The following CDC123 variants were observed in gnomAD, a reference collection of about 807,000 sequenced individuals.
The protein encoded by CDC123 is translation initiation factor eIF2 assembly protein.
CDC123 carries 37 observed loss-of-function variants against 54.4 expected under a neutral mutation model. That is an observed-to-expected ratio of 0.68 (90% CI 0.52 to 0.89). The LOEUF (loss-of-function observed/expected upper bound fraction) is 0.89, where lower values mean the gene tolerates loss of function less well. Ranked by LOEUF, CDC123 falls within the 40% of genes least tolerant of loss-of-function variation. CDC123 has a pLI of 0.00. For synonymous variants in CDC123, 144 were observed against 136.8 expected (o/e 1.05, Z -0.37); for missense variants, 361 against 412.1 (o/e 0.88, Z 1.07).
At chr10:12,200,950 T>C (rs1835431309) in intron 2 of CDC123, among the ~76,000 whole-genome samples, 1 of 151,204 alleles carries the variant, frequency 6.6e-6, no homozygotes, top group South Asian at 2.1e-4. Context: ...AAAAAAGTAC[T>C]GTTAAACAAC....
chr10:12,246,110 A>C, intron 10 of CDC123, 39 bp from the exon 11 acceptor site: 5 of 1,602,210 alleles, frequency 3.1e-6, no homozygotes, highest in Non-Finnish European at 4.3e-6. Flanking sequence ...CAGAGTACAG[A>C]AGATGTTTGT....
chr10:12,247,043 C>T (rs11594813), intron 11 of CDC123: 1 of 142,082 alleles, frequency 7.0e-6, no homozygotes, highest in East Asian at 2.2e-4. Flanking sequence ...TCTCTCACCG[C>T]CCACTCCGGA....
chr10:12,201,616 A>G (rs1250466262), intron 2 of CDC123, among the ~76,000 whole-genome samples: 1 of 151,844 alleles, frequency 6.6e-6, no homozygotes, highest in African/African-American at 2.4e-5. Context: ...GGTAAGTGGC[A>G]TGAGATTCAC....
chr10:12,197,951 G>A (rs1044133960), intron 1 of CDC123, among the ~76,000 whole-genome samples: 3 of 152,124 alleles, frequency 2.0e-5, no homozygotes, highest in Non-Finnish European at 4.4e-5. Flanking sequence ...CTTCGGGAAA[G>A]CAGGCTGTAA....
chr10:12,216,342 G>A (rs1001363042), intron 5 of CDC123, among the ~76,000 whole-genome samples: 1 of 152,110 alleles, frequency 6.6e-6, no homozygotes, highest in East Asian at 1.9e-4. Flanking sequence ...AAACAGTTTT[G>A]TATTAGCAAA....
At chr10:12,238,982 T>A (rs1836017057) in intron 10 of CDC123, among the ~76,000 whole-genome samples, 1 of 151,602 alleles carries the variant, frequency 6.6e-6, no homozygotes, top group Non-Finnish European at 1.5e-5. Context: ...AGAGCGAGAC[T>A]CTGCCTCAAA....
intron 10 of CDC123, among the ~76,000 whole-genome samples, chr10:12,240,019 A>G (rs572271449): frequency 2.6e-4 from 40 of 151,718 alleles, no homozygotes; most frequent in Admixed American, 6.5e-4. Context: ...AAAAAAAAAA[A>G]AAAAAAATTA....
rs1835989102 is a variant in CDC123 at position 12,237,172 on chromosome 10, C to G, written c.594C>G (p.Tyr198Ter). Residue 198 changes from tyrosine (Y) to a stop codon, truncating the protein, a stop_gained, in exon 9 of 13, where the codon TAC becomes TAG. Transcript: ENST00000281141. LOFTEE classifies it high-confidence loss of function. ...IGISQRDYTQ[Y>*]YDHISKQKEE... ...TTTCTCAAAGAGACTACACACAATA[C>G]TATGATCATATTTCTAAACAAAAGG... 6.4e-7 allele frequency: 1 copy of G among 1,573,606 alleles called. No homozygotes were observed. Among genetic ancestry groups the G allele is most frequent in the Non-Finnish European group, 8.6e-7 (1 of 1,164,588 alleles).
chr10:12,200,730 C>G (rs1451024609), intron 2 of CDC123, among the ~76,000 whole-genome samples: 2 of 152,016 alleles, frequency 1.3e-5, no homozygotes, highest in East Asian at 1.9e-4. Flanking sequence ...GTCAGGAGTT[C>G]AAGACCAGCC....
At position 12,238,455 on chromosome 10, in the gene CDC123, A is replaced by G. The variant is rs1156238691; in HGVS notation, c.689-2A>G. The G allele has an allele frequency of 6.2e-7, 1 of 1,604,096 alleles. No individual in the cohort carries two copies. Among genetic ancestry groups the G allele is most frequent in the Non-Finnish European group, 8.5e-7 (1 of 1,177,012 alleles). Reference sequence around the variant, plus strand: ...ATAACTGACTTTTTTTCTCCTTTACAGTTGTGTTCGATATATACAGAGACA... The same window carrying G: ...ATAACTGACTTTTTTTCTCCTTTACGGTTGTGTTCGATATATACAGAGACA... On this transcript the variant is annotated splice_acceptor_variant, in intron 9 of 12. Transcript: ENST00000281141. LOFTEE classifies it high-confidence loss of function.
rs548015468 is a variant in CDC123 at position 12,235,036 on chromosome 10, T to C, written c.490-12T>C. 6 of 1,610,670 alleles carry C rather than the reference T, an allele frequency of 3.7e-6. No homozygotes were observed. The highest frequency in any genetic ancestry group is 2.2e-5 in the South Asian group (2 of 90,966). On this transcript the variant is annotated splice_polypyrimidine_tract_variant and intron_variant, in intron 7 of 12. Coordinates refer to ENST00000281141, the MANE Select transcript of CDC123 (RefSeq NM_006023.3). ...GGTGTGTTATATTAAATATTTTTTC[T>C]TTTGTTTACAGCTCGTTCTCCGAAA...
At chr10:12,231,174 T>G (rs2131754094) in intron 7 of CDC123, among the ~76,000 whole-genome samples, 178 bp downstream of exon 7, 1 of 152,302 alleles carries the variant, frequency 6.6e-6, no homozygotes. Context: ...ATATATAGAG[T>G]GTATATACCA....
rs957089039 is a variant in CDC123, at chr10:12,217,179, A to G, written c.334-182A>G. On this transcript the variant is annotated intron_variant, in intron 5 of 12. Transcript: ENST00000281141. Reference sequence around the variant, plus strand: ...CAGTGTTCATAACCAAGTGTCTGAAATGCAGTGGTGACGCTTTTTGTTGTT... The same window carrying G: ...CAGTGTTCATAACCAAGTGTCTGAAGTGCAGTGGTGACGCTTTTTGTTGTT... 3.9e-5 allele frequency among the ~76,000 whole-genome samples: 6 copies of G among 152,232 alleles called. No individual in the cohort carries two copies. The South Asian group carries it at 1.0e-3, about 26-fold the overall frequency.
Position 12,228,480 on chromosome 10 carries a change from A to T in CDC123, c.441-2468A>T, listed in dbSNP as rs190974600. 6.8e-3 allele frequency among the ~76,000 whole-genome samples: 1,035 copies of T among 151,190 alleles called. 17 individuals carry two copies. The highest frequency in any genetic ancestry group is 0.023 in the African/African-American group (954 of 41,096). ...GAGTGCAGTGGCGCAATCTCGGCTC[A>T]CTGCAACCTCCGCCTCCTGGATTCA... is the stretch of plus-strand genomic sequence containing the variant. On this transcript the variant is annotated intron_variant, in intron 6 of 12. Transcript: ENST00000281141.
chr10:12,229,994 G>A (rs1352602308), intron 6 of CDC123, among the ~76,000 whole-genome samples: 1 of 152,184 alleles, frequency 6.6e-6, no homozygotes, highest in African/African-American at 2.4e-5. Flanking sequence ...TTGAGAATCA[G>A]GGGTTAGACA....
rs1415346823 is a variant in CDC123, at chr10:12,196,274, A to G, written c.29A>G (p.Gln10Arg). The G allele has an allele frequency of 6.2e-7, 1 of 1,613,798 alleles. No homozygotes were observed. The highest frequency in any genetic ancestry group is 1.3e-5 in the African/African-American group (1 of 74,892). ...AAGAAGGAGCATGTGCTTCACTGCC[A>G]GTTCTCCGCGTGGTACCCGTTCTTC... MKKEHVLHC[Q>R]FSAWYPFFRG... The change falls in exon 1 of 13, where the codon CAG becomes CGG. Residue 10 changes from glutamine (Q) to arginine (R), a missense_variant. By Grantham distance (43) the Gln-to-Arg change is conservative. Coordinates refer to ENST00000281141, the MANE Select transcript of CDC123 (RefSeq NM_006023.3).
At chr10:12,211,206 A>T (rs1029758126) in intron 4 of CDC123, among the ~76,000 whole-genome samples, 1 of 151,056 alleles carries the variant, frequency 6.6e-6, no homozygotes, top group East Asian at 2.0e-4. Context: ...CAAATGATCT[A>T]TTTCTAAAAA....
chr10:12,234,299 G>T (rs2131757539), intron 7 of CDC123, among the ~76,000 whole-genome samples: 1 of 152,222 alleles, frequency 6.6e-6, no homozygotes, highest in South Asian at 2.1e-4. Flanking sequence ...TCACATGTTG[G>T]AGCGCAATGG....
chr10:12,213,545 G>A (rs1835629491), intron 4 of CDC123, among the ~76,000 whole-genome samples: 1 of 151,328 alleles, frequency 6.6e-6, no homozygotes. Context: ...TGGATGCCTG[G>A]ACCAGAAAAA....
Sources: gnomAD v4.1 joint callset for allele counts (sites outside exome capture counted in the v4.1 genomes callset) on GRCh38, gnomAD v4.1.1 for gene constraint, MANE v1.5 for transcripts, NCBI Gene and HGNC (gene_info 2026-07-23, HGNC 2026-07-21) for gene names.